The following AFF2 variants were observed in gnomAD, a reference collection of about 807,000 sequenced individuals.
The protein encoded by AFF2 is AF4/FMR2 family member 2.
In AFF2, 14 loss-of-function variants were observed where a neutral mutation model predicts 76.9. The ratio of observed to expected loss-of-function variants is 0.18; its 90% CI spans 0.12 to 0.28. The LOEUF is 0.28. Among genes scored for constraint, AFF2 ranks in the 10% least tolerant of loss-of-function variants. AFF2 has a pLI of 1.00. For missense variants in AFF2, 868 were observed against 1,001.1 expected, an observed-to-expected ratio of 0.87 and a Z score of 1.79; for synonymous variants, 398 against 366.7, an observed-to-expected ratio of 1.09 and a Z score of -0.98.
chrX:148,852,270 GT>G (rs1557275452), intron 7 of AFF2, among the ~76,000 whole-genome samples: 5 of 110,007 alleles, frequency 4.5e-5, no homozygotes, highest in Non-Finnish European at 5.7e-5. Context: ...TCGAATGGTA[GT>G]TCTGCTTTTA....
At chrX:148,856,732 G>A (rs1332665926) in intron 7 of AFF2, among the ~76,000 whole-genome samples, 1 of 112,424 alleles carries the variant, frequency 8.9e-6, no homozygotes, top group Non-Finnish European at 1.9e-5. Flanking sequence ...TAATTCTGTG[G>A]TTCACATATA....
At chrX:148,512,105 T>G (rs2124196755) in intron 1 of AFF2, among the ~76,000 whole-genome samples, 1 of 111,485 alleles carries the variant, frequency 9.0e-6, no homozygotes, top group Non-Finnish European at 1.9e-5. Flanking sequence ...TTGGGTCTCA[T>G]AATCAGAAAT....
chrX:148,526,342 G>T (rs782748965), intron 1 of AFF2, among the ~76,000 whole-genome samples: 1 of 103,740 alleles, frequency 9.6e-6, no homozygotes. Flanking sequence ...AATATCTTGC[G>T]AAACTATAGT....
rs190589438 is a variant in AFF2 at position 148,674,380 on chromosome X, T to C, written c.1041+11612T>C. On this transcript the variant is annotated intron_variant, in intron 3 of 20. Transcript: ENST00000370460. ...CACATTTTGCTTCTTGTGCCTGTTA[T>C]CAACAGGAAGATGGTTTTTAGAAAG... Among the ~76,000 whole-genome samples the C allele has an allele frequency of 4.1e-3, 455 of 111,858 alleles. 4 individuals are homozygous for C. Among genetic ancestry groups the C allele is most frequent in the African/African-American group, 0.014 (434 of 30,770 alleles).
At chrX:148,592,813 A>T (rs1197317909) in intron 1 of AFF2, among the ~76,000 whole-genome samples, 1 of 111,922 alleles carries the variant, frequency 8.9e-6, no homozygotes, top group Admixed American at 9.4e-5. Flanking sequence ...ATCAGCAGGG[A>T]GTCAGCTCTA....
intron 1 of AFF2, among the ~76,000 whole-genome samples, chrX:148,635,960 A>C (rs1249865406): frequency 9.0e-6 from 1 of 110,779 alleles, no homozygotes; most frequent in Middle Eastern, 4.2e-3. Context: ...CAGCCTGGGC[A>C]TCAATTATAG....
At chrX:148,900,641 G>T (rs782401034) in intron 8 of AFF2, among the ~76,000 whole-genome samples, 6 of 111,306 alleles carry the variant, frequency 5.4e-5, no homozygotes, top group Non-Finnish European at 1.1e-4. Flanking sequence ...CCCATCTGAT[G>T]GAGTGAAGTG....
intron 3 of AFF2, among the ~76,000 whole-genome samples, chrX:148,692,728 C>T (rs147935007): frequency 1.8e-5 from 2 of 111,229 alleles, no homozygotes; most frequent in African/African-American, 6.5e-5. Flanking sequence ...TATATGTGTG[C>T]AGAGACAAAG....
chrX:148,654,881 T>A (rs2054235853), intron 2 of AFF2, among the ~76,000 whole-genome samples: 1 of 109,933 alleles, frequency 9.1e-6, no homozygotes, highest in African/African-American at 3.3e-5. Context: ...TATCTTTGGA[T>A]GGGTTAGAAA....
At chrX:148,709,223 A>AT (rs2054927803) in intron 3 of AFF2, among the ~76,000 whole-genome samples, 1 of 111,845 alleles carries the variant, frequency 8.9e-6, no homozygotes, top group South Asian at 3.7e-4. Flanking sequence ...TACTAAAAAA[A>AT]TTTTTTTAGG....
At chrX:148,565,431 T>C (rs1557241488) in intron 1 of AFF2, among the ~76,000 whole-genome samples, 1 of 111,477 alleles carries the variant, frequency 9.0e-6, no homozygotes, top group African/African-American at 3.3e-5. Flanking sequence ...AACACAGAGC[T>C]AGAAAAATTT....
rs189330107 is a variant in AFF2, at chrX:148,965,487, T to G, written c.2914-1303T>G. Among the ~76,000 whole-genome samples the G allele has an allele frequency of 4.3e-3, 486 of 111,823 alleles. 12 individuals carry two copies. The South Asian group carries it at 0.11, about 25-fold the overall frequency. ...GTGGGGAGTCTCTACCTTGCCAGTTTCAGTGCCACTAGCCCAGATACTACT... is the reference window on the plus strand; with the variant it reads ...GTGGGGAGTCTCTACCTTGCCAGTTGCAGTGCCACTAGCCCAGATACTACT... On this transcript the variant is annotated intron_variant, in intron 13 of 20. Coordinates refer to ENST00000370460, the MANE Select transcript of AFF2 (RefSeq NM_002025.4).
chrX:148,550,631 C>T (rs782001499), intron 1 of AFF2, among the ~76,000 whole-genome samples: 16 of 111,463 alleles, frequency 1.4e-4, no homozygotes, highest in Admixed American at 3.8e-4. Flanking sequence ...TCAGTAGAAA[C>T]CATACTTCAA....
chrX:148,977,834 T>A, intron 16 of AFF2, 99 bp from the exon 17 acceptor site: 1 of 616,316 alleles, frequency 1.6e-6, no homozygotes, highest in Admixed American at 2.4e-5. Flanking sequence ...CCAGAACAAA[T>A]GTGGGAATAA....
intron 6 of AFF2, 90 bp downstream of exon 6, chrX:148,843,092 C>A: frequency 1.4e-6 from 1 of 709,017 alleles, no homozygotes; most frequent in Non-Finnish European, 2.1e-6. Context: ...ATCATTAAAA[C>A]ATGAAAGAAC....
chrX:148,673,324 G>A (rs1421985691), intron 3 of AFF2, among the ~76,000 whole-genome samples: 1 of 111,853 alleles, frequency 8.9e-6, no homozygotes, highest in African/African-American at 3.3e-5. Flanking sequence ...GAGACCAGGA[G>A]TCCAAAAAGA....
chrX:148,872,694 C>T (rs1305916154), intron 7 of AFF2, among the ~76,000 whole-genome samples: 7 of 112,110 alleles, frequency 6.2e-5, no homozygotes, highest in African/African-American at 9.7e-5. Flanking sequence ...ACACTTGTTT[C>T]TCACGTAAGT....
At chrX:148,599,895 C>G (rs1253720323) in intron 1 of AFF2, among the ~76,000 whole-genome samples, 5 of 111,703 alleles carry the variant, frequency 4.5e-5, no homozygotes, top group Non-Finnish European at 9.4e-5. Flanking sequence ...CTATAATCAT[C>G]TAAGTGCATG....
intron 3 of AFF2, among the ~76,000 whole-genome samples, chrX:148,762,551 TGAGCTGG>T (rs2069464976): frequency 9.3e-6 from 1 of 108,105 alleles, no homozygotes; most frequent in Non-Finnish European, 1.9e-5. Flanking sequence ...CATGGCCATT[TGAGCTGG>T]TTCCATATTT....
Sources: gnomAD v4.1 joint callset for allele counts (sites outside exome capture counted in the v4.1 genomes callset) on GRCh38, gnomAD v4.1.1 for gene constraint, MANE v1.5 for transcripts, NCBI Gene and HGNC (gene_info 2026-07-23, HGNC 2026-07-21) for gene names.